Variants in FAT3 observed in about 807,000 individuals in gnomAD.
FAT3 encodes FAT atypical cadherin 3.
Under a neutral mutation model 310.2 loss-of-function variants are expected in FAT3, and 95 were observed. The ratio of observed to expected loss-of-function variants is 0.31; its 90% CI spans 0.26 to 0.36. The LOEUF (loss-of-function observed/expected upper bound fraction) is 0.36, where lower values mean the gene tolerates loss of function less well. Ranked by LOEUF, FAT3 falls within the 10% of genes least tolerant of loss-of-function variation. The probability of loss-of-function intolerance (pLI) is 1.00; values close to 1 mark genes in which losing one functional copy is unlikely to be tolerated. For missense variants in FAT3, 5,408 were observed against 5,715.6 expected (o/e 0.95, Z 1.74); for synonymous variants, 2,314 against 2,192.9 (o/e 1.06, Z -1.54).
chr11:92,414,699 G>C (rs1950368401), intron 2 of FAT3, among the ~76,000 whole-genome samples: 1 of 152,134 alleles, frequency 6.6e-6, no homozygotes, highest in Non-Finnish European at 1.5e-5. Flanking sequence ...CTACCCTCTT[G>C]TCGCTGGGCT....
intron 18 of FAT3, among the ~76,000 whole-genome samples, chr11:92,843,064 G>A (rs749169330): frequency 6.6e-6 from 1 of 152,078 alleles, no homozygotes; most frequent in Non-Finnish European, 1.5e-5. Context: ...CAAAAACTGA[G>A]GCTTAGAGAA....
intron 8 of FAT3, among the ~76,000 whole-genome samples, chr11:92,790,466 G>T (rs1314822693): frequency 6.6e-6 from 1 of 152,198 alleles, no homozygotes; most frequent in Non-Finnish European, 1.5e-5. Flanking sequence ...CTCAGTAAAT[G>T]CTCCAAACAG....
At chr11:92,791,360 TG>T (rs1439118782) in intron 8 of FAT3, among the ~76,000 whole-genome samples, 1 of 152,186 alleles carries the variant, frequency 6.6e-6, no homozygotes, top group Non-Finnish European at 1.5e-5. Context: ...GAGTTCAGCT[TG>T]GTCCTTGGGT....
intron 19 of FAT3, among the ~76,000 whole-genome samples, chr11:92,855,966 C>T (rs1167980478): frequency 6.9e-6 from 1 of 144,340 alleles, no homozygotes. Flanking sequence ...ATGACTGTAC[C>T]TTGGGACAAT....
rs377710645 is a variant in FAT3, at chr11:92,287,350, A to G, written c.-18+62176A>G. 3.3e-5 allele frequency among the ~76,000 whole-genome samples: 5 copies of G among 152,262 alleles called. No individual in the cohort carries two copies. In the East Asian group the frequency reaches 7.7e-4, roughly 24 times the overall value. On this transcript the variant is annotated intron_variant, in intron 1 of 27. Transcript: ENST00000525166. Reference sequence around the variant, plus strand: ...GTTTAAGTGGTGTTTAAAAATCTACATACTTAGGTGGTTTGGAGTGAAAAC... The same window carrying G: ...GTTTAAGTGGTGTTTAAAAATCTACGTACTTAGGTGGTTTGGAGTGAAAAC...
chr11:92,689,333 T>C (rs1182572365), intron 3 of FAT3, among the ~76,000 whole-genome samples: 2 of 151,778 alleles, frequency 1.3e-5, no homozygotes, highest in African/African-American at 4.8e-5. Flanking sequence ...TTCAGAATTA[T>C]GAAAAAAATC....
intron 1 of FAT3, 101 bp from the exon 2 acceptor site, chr11:92,351,995 T>C (rs745987053): frequency 6.6e-6 from 5 of 753,734 alleles, no homozygotes; most frequent in Non-Finnish European, 8.4e-6. Flanking sequence ...GATTTTGTGA[T>C]AAAGTTTTAA....
At chr11:92,388,915 C>T (rs1310877434) in intron 2 of FAT3, among the ~76,000 whole-genome samples, 2 of 152,108 alleles carry the variant, frequency 1.3e-5, no homozygotes, top group Non-Finnish European at 2.9e-5. Context: ...GACTTTCTTT[C>T]CATTTTATCT....
rs1266781517 is a variant in FAT3 at position 92,433,547 on chromosome 11, C to T, written c.3292+78143C>T. On this transcript the variant is annotated intron_variant, in intron 2 of 27. Coordinates refer to ENST00000525166, the MANE Select transcript of FAT3 (RefSeq NM_001367949.2). ...GATGCCCCACCCTACTTTTGCTCAC[C>T]CTCCGTGGGCTGCACCCACTATGTA... is the stretch of plus-strand genomic sequence containing the variant. 2.2e-4 allele frequency among the ~76,000 whole-genome samples: 33 copies of T among 152,122 alleles called. 1 individual carries two copies. Among genetic ancestry groups the T allele is most frequent in the Admixed American group, 2.2e-3 (33 of 15,276 alleles).
intron 4 of FAT3, among the ~76,000 whole-genome samples, chr11:92,757,470 A>T (rs187613767): frequency 8.7e-4 from 133 of 152,194 alleles, no homozygotes; most frequent in Non-Finnish European, 1.6e-3. Flanking sequence ...GATGATGGGG[A>T]TTTATCTCAG....
At chr11:92,693,929 T>TATTCATTC (rs201617640) in intron 3 of FAT3, among the ~76,000 whole-genome samples, 1 of 152,128 alleles carries the variant, frequency 6.6e-6, no homozygotes, top group East Asian at 1.9e-4. Flanking sequence ...CTAACTAACC[T>TATTCATTC]ATTCATTCAT....
chr11:92,366,984 C>T, intron 2 of FAT3: 1 of 523,364 alleles, frequency 1.9e-6, no homozygotes, highest in Admixed American at 1.9e-5. Context: ...CCATAGTGCC[C>T]TTATTGAGGT....
chr11:92,786,156 AC>A (rs1403452438), intron 7 of FAT3, among the ~76,000 whole-genome samples: 1 of 152,144 alleles, frequency 6.6e-6, no homozygotes, highest in African/African-American at 2.4e-5. Flanking sequence ...AAAAATTGCA[AC>A]TCGATTAGCG....
chr11:92,561,667 C>A (rs555497), intron 3 of FAT3, among the ~76,000 whole-genome samples: 2 of 151,866 alleles, frequency 1.3e-5, no homozygotes, highest in Admixed American at 6.6e-5. Context: ...GCTCTGTCCC[C>A]CAGGCTGGAG....
chr11:92,524,600 T>A, intron 2 of FAT3, 34 bp from the exon 3 acceptor site: 1 of 1,589,478 alleles, frequency 6.3e-7, no homozygotes, highest in Non-Finnish European at 8.6e-7. Context: ...CTTCCCTTTC[T>A]CTGTGACAGT....
chr11:92,543,198 G>A (rs674686), intron 3 of FAT3, among the ~76,000 whole-genome samples: 57,391 of 151,638 alleles, frequency 0.38, 11,700 homozygotes, highest in Middle Eastern at 0.52. Context: ...GAGAGGATAG[G>A]AAGAGATTAA....
intron 3 of FAT3, among the ~76,000 whole-genome samples, chr11:92,688,020 A>G (rs1591609523): frequency 6.6e-6 from 1 of 151,046 alleles, no homozygotes; most frequent in Non-Finnish European, 1.5e-5. Context: ...ATTAGAGACC[A>G]CATCTCTACC....
intron 2 of FAT3, among the ~76,000 whole-genome samples, chr11:92,442,111 A>ATATTTTTTTTTTTTTTTTT (rs1453396603): frequency 2.2e-5 from 1 of 45,222 alleles, no homozygotes; most frequent in African/African-American, 1.8e-4. Flanking sequence ...ATATATATAT[A>ATATTTTTTTTTTTTTTTTT]TTTTTTTTTT....
intron 2 of FAT3, among the ~76,000 whole-genome samples, chr11:92,510,894 G>A (rs1478577002): frequency 1.3e-5 from 2 of 152,200 alleles, no homozygotes; most frequent in African/African-American, 4.8e-5. Context: ...AAAGATGAAA[G>A]ATGCCTAATC....
Sources: gnomAD v4.1 joint callset for allele counts (sites outside exome capture counted in the v4.1 genomes callset) on GRCh38, gnomAD v4.1.1 for gene constraint, MANE v1.5 for transcripts, NCBI Gene and HGNC (gene_info 2026-07-23, HGNC 2026-07-21) for gene names.